The following CMSS1 variants were observed in gnomAD, a reference collection of about 807,000 sequenced individuals.
CMSS1 encodes protein CMSS1.
CMSS1 carries 33 observed loss-of-function variants against 43.5 expected under a neutral mutation model. That is an observed-to-expected ratio of 0.76 (90% CI 0.57 to 1.01). The LOEUF is 1.01. CMSS1 is among the 50% of genes least tolerant of loss of function. The pLI is 0.00. For missense variants in CMSS1, 313 were observed against 326.4 expected, an observed-to-expected ratio of 0.96 and a Z score of 0.32; for synonymous variants, 115 against 117.2, an observed-to-expected ratio of 0.98 and a Z score of 0.12.
At chr3:100,066,036 A>G (rs1480938611) in intron 1 of CMSS1, among the ~76,000 whole-genome samples, 1 of 152,246 alleles carries the variant, frequency 6.6e-6, no homozygotes, top group Non-Finnish European at 1.5e-5. Flanking sequence ...TCTAATGCAC[A>G]TTAAAGTTTG....
chr3:100,090,155 A>G (rs2066079494), intron 1 of CMSS1, among the ~76,000 whole-genome samples: 1 of 152,120 alleles, frequency 6.6e-6, no homozygotes, highest in Non-Finnish European at 1.5e-5. Flanking sequence ...TCCCTCCCTA[A>G]ACTATGAAGC....
At chr3:99,959,839 T>A (rs183498168) in intron 1 of CMSS1, among the ~76,000 whole-genome samples, 1 of 152,294 alleles carries the variant, frequency 6.6e-6, no homozygotes, top group East Asian at 1.9e-4. Flanking sequence ...AACAGTAAGA[T>A]TATGAGCATG....
chr3:99,936,089 T>C (rs1707656734), intron 1 of CMSS1, among the ~76,000 whole-genome samples: 1 of 152,192 alleles, frequency 6.6e-6, no homozygotes, highest in Non-Finnish European at 1.5e-5. Context: ...TAGTCTTCAT[T>C]TTCTTACTCA....
chr3:99,922,917 C>G (rs1256476594), intron 1 of CMSS1, among the ~76,000 whole-genome samples: 1 of 152,094 alleles, frequency 6.6e-6, no homozygotes, highest in African/African-American at 2.4e-5. Context: ...CTGCCCTTAC[C>G]ACTTTATTGA....
intron 1 of CMSS1, among the ~76,000 whole-genome samples, chr3:99,884,771 T>C (rs991532872): frequency 6.6e-6 from 1 of 152,234 alleles, no homozygotes; most frequent in East Asian, 1.9e-4. Flanking sequence ...TTTGTACAAT[T>C]TAACCATTGA....
At chr3:99,858,132 A>G (rs1345876177) in intron 1 of CMSS1, among the ~76,000 whole-genome samples, 1 of 152,152 alleles carries the variant, frequency 6.6e-6, no homozygotes. Flanking sequence ...GGCTGTATCT[A>G]TCTCTTTACT....
At chr3:99,997,037 T>C (rs921206799) in intron 1 of CMSS1, among the ~76,000 whole-genome samples, 1 of 152,096 alleles carries the variant, frequency 6.6e-6, no homozygotes, top group African/African-American at 2.4e-5. Context: ...AATGCGTACA[T>C]CAATAAAATA....
At chr3:100,167,443 T>C (rs1454005611) in intron 5 of CMSS1, among the ~76,000 whole-genome samples, 1 of 152,248 alleles carries the variant, frequency 6.6e-6, no homozygotes, top group African/African-American at 2.4e-5. Flanking sequence ...TGTCTTCAAG[T>C]ATCAAACCTA....
chr3:100,031,039 C>T (rs2065013479), intron 1 of CMSS1, among the ~76,000 whole-genome samples: 1 of 152,184 alleles, frequency 6.6e-6, no homozygotes, highest in South Asian at 2.1e-4. Context: ...CTCTTCCTAA[C>T]ATAAAATGAT....
chr3:99,820,390 T>C (rs1352828487), intron 1 of CMSS1, among the ~76,000 whole-genome samples: 2 of 151,830 alleles, frequency 1.3e-5, no homozygotes, highest in African/African-American at 4.8e-5. Context: ...AGAGATGGGG[T>C]TTCACCATGT....
At chr3:99,838,979 C>T (rs968298277) in intron 1 of CMSS1, among the ~76,000 whole-genome samples, 22 of 152,148 alleles carry the variant, frequency 1.4e-4, no homozygotes, top group African/African-American at 5.3e-4. Context: ...CCAACCATCT[C>T]AACTTCATCC....
intron 1 of CMSS1, among the ~76,000 whole-genome samples, chr3:99,943,932 G>C (rs1487114692): frequency 6.6e-6 from 1 of 152,140 alleles, no homozygotes; most frequent in African/African-American, 2.4e-5. Flanking sequence ...GGGTTATTGG[G>C]AGGATTAGAG....
intron 1 of CMSS1, among the ~76,000 whole-genome samples, chr3:100,084,595 T>A (rs2065978707): frequency 6.6e-6 from 1 of 152,184 alleles, no homozygotes; most frequent in Non-Finnish European, 1.5e-5. Flanking sequence ...TAAACAGAGC[T>A]TTATAAAGAG....
intron 1 of CMSS1, among the ~76,000 whole-genome samples, chr3:100,083,429 C>T (rs2065961349): frequency 6.6e-6 from 1 of 152,208 alleles, no homozygotes; most frequent in South Asian, 2.1e-4. Context: ...GAATCAGAAA[C>T]CCTAGGGGTG....
chr3:100,029,140 A>T (rs1291606781), intron 1 of CMSS1, among the ~76,000 whole-genome samples: 1 of 152,136 alleles, frequency 6.6e-6, no homozygotes, highest in Non-Finnish European at 1.5e-5. Context: ...AGCCTGGGCA[A>T]CATAGCAAGA....
intron 1 of CMSS1, among the ~76,000 whole-genome samples, chr3:100,082,826 A>G (rs982005998): frequency 2.6e-5 from 4 of 152,190 alleles, no homozygotes; most frequent in Non-Finnish European, 4.4e-5. Flanking sequence ...ACCTTCGTTG[A>G]CTTAAGACAC....
In CMSS1 at chr3:100,176,424, T is replaced by G; in HGVS notation, c.756+9T>G. ...TGATGGACATTCCCGAGGTACCACG[T>G]AACCAGCAGTTGCCTTTAATCATTT... On this transcript the variant is annotated intron_variant, in intron 9 of 9. Transcript: ENST00000421999. 6.3e-7 allele frequency: 1 copy of G among 1,575,720 alleles called. No individual in the cohort carries two copies. Among genetic ancestry groups the G allele is most frequent in the Non-Finnish European group, 8.7e-7 (1 of 1,145,672 alleles).
At chr3:100,137,601 C>T (rs1377673798) in intron 1 of CMSS1, among the ~76,000 whole-genome samples, 6 of 147,710 alleles carry the variant, frequency 4.1e-5, no homozygotes, top group African/African-American at 7.5e-5. Context: ...CTCGCTTTGT[C>T]GCCCAGGCTG....
intron 1 of CMSS1, among the ~76,000 whole-genome samples, chr3:99,869,177 G>A (rs2107576938): frequency 6.6e-6 from 1 of 152,328 alleles, no homozygotes; most frequent in East Asian, 1.9e-4. Flanking sequence ...ACCATTTAGT[G>A]AAGAGAAGAA....
Sources: allele counts gnomAD v4.1 joint callset (sites outside exome capture counted in the v4.1 genomes callset), GRCh38; gene constraint gnomAD v4.1.1; transcripts MANE v1.5; gene names NCBI Gene and HGNC (gene_info 2026-07-23, HGNC 2026-07-21).